PIP5K1B: variants seen among roughly 807,000 people sequenced by gnomAD.
PIP5K1B encodes the protein phosphatidylinositol-4-phosphate 5-kinase type 1 beta, also known as phosphatidylinositol 4-phosphate 5-kinase type-1 beta.
A neutral mutation model predicts 67.0 loss-of-function variants in PIP5K1B; 42 were observed. The ratio of observed to expected loss-of-function variants is 0.63; its 90% CI spans 0.49 to 0.81. PIP5K1B has a LOEUF of 0.81. Ranked by LOEUF, PIP5K1B falls within the 30% of genes least tolerant of loss-of-function variation. The probability of loss-of-function intolerance (pLI) is 0.00; values close to 1 mark genes in which losing one functional copy is unlikely to be tolerated. For synonymous variants in PIP5K1B, 214 were observed against 231.4 expected (o/e 0.92, Z 0.68); for missense variants, 459 against 646.3 (o/e 0.71, Z 3.14).
chr9:68,945,214 C>A (rs1164028747), intron 14 of PIP5K1B, among the ~76,000 whole-genome samples: 1 of 152,046 alleles, frequency 6.6e-6, no homozygotes, highest in Non-Finnish European at 1.5e-5. Flanking sequence ...GGTGCCATCT[C>A]AGCTCACTGT....
intron 4 of PIP5K1B, among the ~76,000 whole-genome samples, chr9:68,837,607 G>GTT (rs57120656): frequency 0.48 from 52,373 of 110,208 alleles, 11,436 homozygotes; most frequent in Admixed American, 0.51. Context: ...CTTACTTTGT[G>GTT]TTTTTTTTTT....
chr9:68,798,962 G>C (rs1431512587), intron 2 of PIP5K1B, among the ~76,000 whole-genome samples: 2 of 152,212 alleles, frequency 1.3e-5, no homozygotes, highest in Non-Finnish European at 2.9e-5. Flanking sequence ...AATCAAGAAT[G>C]ACTGATTTTT....
chr9:68,830,176 AG>A (rs1834225497), intron 4 of PIP5K1B, among the ~76,000 whole-genome samples: 1 of 152,194 alleles, frequency 6.6e-6, no homozygotes, highest in Admixed American at 6.5e-5. Context: ...AAAATTAAGC[AG>A]CAAGGAGGTG....
At chr9:68,847,900 T>C (rs1462520287) in intron 4 of PIP5K1B, among the ~76,000 whole-genome samples, 1 of 152,200 alleles carries the variant, frequency 6.6e-6, no homozygotes, top group Non-Finnish European at 1.5e-5. Flanking sequence ...TAGCCACATA[T>C]TTTAGCTGGG....
Position 69,008,566 on chromosome 9 carries a change from A to ACTT in PIP5K1B, c.*117_*118insCTT. The ACTT allele has an allele frequency of 1.0e-6, 1 of 979,792 alleles. No individual in the cohort carries two copies. Among genetic ancestry groups the ACTT allele is most frequent in the South Asian group, 1.3e-5 (1 of 77,208 alleles). The allele number at this position is 979,792 out of a possible 1,614,324, so 60.7% of individuals were successfully genotyped here. A position where few individuals can be genotyped will look rare whatever the true frequency, so the allele number is the denominator to read the frequency against. ...TGGCTGAGCCCCACTACACACAGAGAAATCATCAACCTGACTTAAGAGTTT... is the reference window on the plus strand; with the variant it reads ...TGGCTGAGCCCCACTACACACAGAGACTTAATCATCAACCTGACTTAAGAGTTT... On this transcript the variant is annotated 3_prime_UTR_variant, in exon 16 of 16. Transcript: ENST00000265382.
At chr9:68,919,818 T>C (rs1415310159) in intron 11 of PIP5K1B, 89 bp downstream of exon 11, 1 of 715,482 alleles carries the variant, frequency 1.4e-6, no homozygotes, top group Admixed American at 2.6e-5. Flanking sequence ...GTTGCTAGAC[T>C]CTAAGAGGAA....
chr9:68,861,200 G>T (rs1423817543), intron 4 of PIP5K1B, among the ~76,000 whole-genome samples: 3 of 152,154 alleles, frequency 2.0e-5, no homozygotes, highest in African/African-American at 7.2e-5. Flanking sequence ...GTCTGTTTTT[G>T]ATTTAACTAA....
intron 4 of PIP5K1B, among the ~76,000 whole-genome samples, chr9:68,861,180 A>G (rs1372396381): frequency 1.3e-5 from 2 of 152,256 alleles, no homozygotes; most frequent in African/African-American, 4.8e-5. Context: ...GGAAAGTAAT[A>G]TTATTACCAG....
At chr9:68,860,140 G>C (rs1490331595) in intron 4 of PIP5K1B, among the ~76,000 whole-genome samples, 1 of 152,028 alleles carries the variant, frequency 6.6e-6, no homozygotes, top group East Asian at 1.9e-4. Flanking sequence ...AGATCTCTTG[G>C]ACTTATTCCT....
intron 2 of PIP5K1B, chr9:68,780,154 C>T (rs1831166106): frequency 6.6e-7 from 1 of 1,510,454 alleles, no homozygotes; most frequent in African/African-American, 1.4e-5. Context: ...CCCCGCCTCC[C>T]TGCCCCCGAC....
intron 4 of PIP5K1B, among the ~76,000 whole-genome samples, chr9:68,847,413 TTGTG>T (rs777818994): frequency 0.076 from 7,685 of 101,506 alleles, 361 homozygotes; most frequent in East Asian, 0.22. Flanking sequence ...AGCAGTGGTT[TTGTG>T]TGTGTGTGTG....
At chr9:68,823,381 T>C (rs1035274447) in intron 4 of PIP5K1B, among the ~76,000 whole-genome samples, 1 of 152,176 alleles carries the variant, frequency 6.6e-6, no homozygotes, top group African/African-American at 2.4e-5. Flanking sequence ...GTGTATAATA[T>C]ATGAATCCTT....
chr9:68,710,818 C>T (rs990356311), intron 1 of PIP5K1B, among the ~76,000 whole-genome samples: 2 of 152,184 alleles, frequency 1.3e-5, no homozygotes, highest in African/African-American at 4.8e-5. Context: ...GAATATGTAA[C>T]ATGTTTGGGT....
At chr9:68,968,715 A>ATATATTTT (rs779031015) in intron 14 of PIP5K1B, among the ~76,000 whole-genome samples, 9 of 142,212 alleles carry the variant, frequency 6.3e-5, no homozygotes, top group African/African-American at 2.1e-4. Context: ...ATATATATAT[A>ATATATTTT]TTTTTTTTTT....
At chr9:68,722,654 A>G (rs1827946814) in intron 1 of PIP5K1B, among the ~76,000 whole-genome samples, 1 of 149,668 alleles carries the variant, frequency 6.7e-6, no homozygotes. Context: ...ATTTATTACC[A>G]TGTATGTATT....
At chr9:68,932,478 A>G (rs1827052138) in intron 12 of PIP5K1B, among the ~76,000 whole-genome samples, 1 of 152,234 alleles carries the variant, frequency 6.6e-6, no homozygotes, top group Non-Finnish European at 1.5e-5. Flanking sequence ...GTCAATTTTT[A>G]ACATAAATAA....
Position 68,780,028 on chromosome 9 carries a change from A to G in PIP5K1B, c.-86+37371A>G. On this transcript the variant is annotated intron_variant, in intron 2 of 15. Coordinates refer to ENST00000265382, the MANE Select transcript of PIP5K1B (RefSeq NM_003558.4). ...TACGGACATCGCGAGCGCCTGCGCG[A>G]AGGGCTACGCATGCGCAGAGGGGCC... 2.5e-6 allele frequency: 3 copies of G among 1,189,856 alleles called. No homozygotes were observed. In the South Asian group the frequency reaches 6.9e-5, roughly 27 times the overall value. The allele number at this position is 1,189,856 out of a possible 1,614,324, so 73.7% of individuals were successfully genotyped here.
intron 6 of PIP5K1B, among the ~76,000 whole-genome samples, chr9:68,886,949 C>G (rs892231128): frequency 1.3e-5 from 2 of 152,306 alleles, no homozygotes; most frequent in Middle Eastern, 3.4e-3. Flanking sequence ...AGCCACTGGC[C>G]TCTGCTGTGC....
chr9:68,921,607 G>C (rs114289085), intron 11 of PIP5K1B, among the ~76,000 whole-genome samples: 1 of 151,930 alleles, frequency 6.6e-6, no homozygotes, highest in East Asian at 1.9e-4. Flanking sequence ...CAACACTTTG[G>C]GGGGAGACCA....
Sources: allele counts gnomAD v4.1 joint callset (sites outside exome capture counted in the v4.1 genomes callset), GRCh38; gene constraint gnomAD v4.1.1; transcripts MANE v1.5; gene names NCBI Gene and HGNC (gene_info 2026-07-23, HGNC 2026-07-21).